Variants in PIGK observed in about 807,000 individuals in gnomAD.
PIGK encodes GPI-anchor transamidase.
PIGK carries 42 observed loss-of-function variants against 50.6 expected under a neutral mutation model. The ratio of observed to expected loss-of-function variants is 0.83; its 90% CI spans 0.65 to 1.07. PIGK has a LOEUF of 1.07. Ranked by LOEUF, PIGK falls within the 50% of genes least tolerant of loss-of-function variation. The pLI is 0.00. For synonymous variants in PIGK, 151 were observed against 156.0 expected, an observed-to-expected ratio of 0.97 and a Z score of 0.24; for missense variants, 448 against 488.7, an observed-to-expected ratio of 0.92 and a Z score of 0.78.
rs970542160 is a variant in PIGK, at chr1:77,189,612, G to A, written c.239+17028C>T. On this transcript the variant is annotated intron_variant, in intron 3 of 10. Transcript: ENST00000370812. ...ATTGGACTCCAAGTTTCAGTTTTGG[G>A]ACTTGGACTGGTTCTCCTTGCTCCT... Among the ~76,000 whole-genome samples, 5 of 150,868 alleles carry A rather than the reference G, an allele frequency of 3.3e-5. No individual in the cohort carries two copies. In the East Asian group the frequency reaches 9.7e-4, roughly 29 times the overall value.
In PIGK at chr1:77,123,792, T is replaced by C. The variant is rs528748408; in HGVS notation, c.987-1433A>G. 1.2e-3 allele frequency among the ~76,000 whole-genome samples: 188 copies of C among 152,316 alleles called. 1 individual carries two copies. The highest frequency in any genetic ancestry group is 6.8e-3 in the Middle Eastern group (2 of 294). On this transcript the variant is annotated intron_variant, in intron 9 of 10. Transcript: ENST00000370812. ...GAAAAATGATTAAAATGATACGTTT[T>C]ATGTTATGTATTTGTTATGGGCTGA... is the stretch of plus-strand genomic sequence containing the variant.
At chr1:77,207,337 A>G (rs1656313590) in intron 2 of PIGK, among the ~76,000 whole-genome samples, 3 of 152,228 alleles carry the variant, frequency 2.0e-5, no homozygotes, top group Admixed American at 1.3e-4. Flanking sequence ...TAACATTCCT[A>G]TTTCTAAAAA....
chr1:77,204,127 G>A (rs1205777383), intron 3 of PIGK, among the ~76,000 whole-genome samples: 2 of 152,148 alleles, frequency 1.3e-5, no homozygotes, highest in African/African-American at 4.8e-5. Context: ...TTACAAAAGT[G>A]AATAGGAGAA....
intron 1 of PIGK, among the ~76,000 whole-genome samples, chr1:77,212,546 T>C (rs1209245752): frequency 2.0e-5 from 3 of 152,152 alleles, no homozygotes; most frequent in Non-Finnish European, 4.4e-5. Flanking sequence ...GACCCAAGTA[T>C]TGTATATGCT....
At chr1:77,096,184 A>G (rs1653401297) in intron 10 of PIGK, among the ~76,000 whole-genome samples, 3 of 152,222 alleles carry the variant, frequency 2.0e-5, no homozygotes, top group South Asian at 4.1e-4. Context: ...GCTGGATGAC[A>G]TAATTTTGTA....
chr1:77,135,520 C>G (rs1654487179), intron 9 of PIGK, among the ~76,000 whole-genome samples: 2 of 151,886 alleles, frequency 1.3e-5, no homozygotes, highest in African/African-American at 4.8e-5. Flanking sequence ...ATTATATTTT[C>G]TGTCTGTAGT....
intron 10 of PIGK, among the ~76,000 whole-genome samples, chr1:77,106,550 A>C (rs1347297796): frequency 6.6e-6 from 1 of 152,192 alleles, no homozygotes; most frequent in African/African-American, 2.4e-5. Flanking sequence ...ATATTTGTAC[A>C]ACAAAAATGA....
At position 77,169,267 on chromosome 1, in the gene PIGK, C is replaced by T. The variant is rs1283636852; in HGVS notation, c.368G>A (p.Ser123Asn). 3.9e-6 allele frequency: 6 copies of T among 1,551,074 alleles called. No homozygotes were observed. The highest frequency in any genetic ancestry group is 5.2e-6 in the Non-Finnish European group (6 of 1,146,726). ...CTAGATTAAAGAATTTACCTCGTAA[C>T]TTCTATAATCCACTTCCACATCATC... ...YGDDVEVDYR[S>N]YEVTVENFLR... Residue 123 changes from serine to asparagine, a missense_variant, in exon 4 of 11, where the codon AGT becomes AAT. Physicochemically the swap from Ser to Asn is conservative, Grantham distance 46. Coordinates refer to ENST00000370812, the MANE Select transcript of PIGK (RefSeq NM_005482.3).
intron 3 of PIGK, chr1:77,195,098 G>T (rs1570255962): frequency 1.8e-6 from 2 of 1,082,584 alleles, no homozygotes; most frequent in East Asian, 5.9e-5. Flanking sequence ...GACTGGTGAG[G>T]TGTGGTCATA....
chr1:77,182,487 G>A (rs1655638889), intron 3 of PIGK, among the ~76,000 whole-genome samples: 1 of 151,356 alleles, frequency 6.6e-6, no homozygotes, highest in South Asian at 2.1e-4. Flanking sequence ...AAACACCCTC[G>A]CAGACACACC....
At chr1:77,195,021 G>T (rs144447105) in intron 3 of PIGK, 5 of 778,642 alleles carry the variant, frequency 6.4e-6, no homozygotes, top group Non-Finnish European at 8.8e-6. Flanking sequence ...CCAAGCTCCT[G>T]CAGAAGAATA....
intron 3 of PIGK, among the ~76,000 whole-genome samples, chr1:77,188,322 TAAACAG>T (rs1158280937): frequency 1.3e-5 from 2 of 152,168 alleles, no homozygotes; most frequent in African/African-American, 4.8e-5. Flanking sequence ...TATAGGCTTA[TAAACAG>T]CCCCCCCAGG....
intron 4 of PIGK, among the ~76,000 whole-genome samples, chr1:77,167,106 CAAG>C (rs1419998793): frequency 6.6e-6 from 1 of 152,144 alleles, no homozygotes; most frequent in African/African-American, 2.4e-5. Context: ...CTTTGTGAGG[CAAG>C]GCAAGAGGAC....
At chr1:77,141,811 T>C (rs149962965) in intron 9 of PIGK, among the ~76,000 whole-genome samples, 3,956 of 152,224 alleles carry the variant, frequency 0.026, 108 homozygotes, top group South Asian at 0.034. Context: ...ACTTTGGCAT[T>C]ATTCAAAAAA....
At chr1:77,105,463 C>T (rs1033670067) in intron 10 of PIGK, among the ~76,000 whole-genome samples, 3 of 151,818 alleles carry the variant, frequency 2.0e-5, no homozygotes, top group Non-Finnish European at 2.9e-5. Flanking sequence ...TAGAATTTCT[C>T]GGTCTCCTGC....
chr1:77,172,898 T>C (rs1298343974), intron 3 of PIGK, among the ~76,000 whole-genome samples: 1 of 152,184 alleles, frequency 6.6e-6, no homozygotes, highest in Non-Finnish European at 1.5e-5. Context: ...CACTCCAGCC[T>C]GGGCGACAGA....
intron 9 of PIGK, among the ~76,000 whole-genome samples, chr1:77,128,957 T>C (rs543027037): frequency 6.6e-6 from 1 of 152,326 alleles, no homozygotes; most frequent in African/African-American, 2.4e-5. Context: ...TAACATTTCA[T>C]GACTAGTGAA....
intron 1 of PIGK, among the ~76,000 whole-genome samples, chr1:77,211,865 A>AC (rs1034938648): frequency 4.0e-5 from 6 of 151,146 alleles, no homozygotes; most frequent in Non-Finnish European, 4.4e-5. Context: ...TTGCTTTTAA[A>AC]CATTTTTTCT....
intron 9 of PIGK, among the ~76,000 whole-genome samples, chr1:77,140,524 C>A (rs1445851441): frequency 6.6e-6 from 1 of 152,092 alleles, no homozygotes; most frequent in East Asian, 1.9e-4. Context: ...TCAGGTATTT[C>A]TTTATAGCAG....
Sources: allele counts gnomAD v4.1 joint callset (sites outside exome capture counted in the v4.1 genomes callset), GRCh38; gene constraint gnomAD v4.1.1; transcripts MANE v1.5; gene names NCBI Gene and HGNC (gene_info 2026-07-23, HGNC 2026-07-21).